Variants in FBXL17 observed in about 807,000 individuals in gnomAD.
FBXL17 encodes F-box and leucine rich repeat protein 17.
A neutral mutation model predicts 66.2 loss-of-function variants in FBXL17; 22 were observed. The observed-to-expected ratio is 0.33, with a 90% CI of 0.24 to 0.47. FBXL17 has a LOEUF of 0.47. Ranked by LOEUF, FBXL17 falls within the 20% of genes least tolerant of loss-of-function variation. The pLI, the probability that FBXL17 is intolerant of heterozygous loss-of-function variation, is 1.00. For missense variants in FBXL17, 878 were observed against 948.2 expected (o/e 0.93, Z 0.97); for synonymous variants, 474 against 400.5 (o/e 1.18, Z -2.19).
intron 5 of FBXL17, among the ~76,000 whole-genome samples, chr5:108,207,680 C>T (rs1215991256): frequency 6.6e-6 from 1 of 152,134 alleles, no homozygotes; most frequent in African/African-American, 2.4e-5. Flanking sequence ...GCATAGTTCT[C>T]CATGGTGTAT....
At chr5:108,319,939 GACT>G (rs1279587362) in intron 4 of FBXL17, among the ~76,000 whole-genome samples, 1 of 151,620 alleles carries the variant, frequency 6.6e-6, no homozygotes, top group African/African-American at 2.4e-5. Context: ...GTCCCGAAAT[GACT>G]ACTTGCCTCG....
At chr5:108,296,209 G>GT (rs1758344845) in intron 4 of FBXL17, among the ~76,000 whole-genome samples, 1 of 151,776 alleles carries the variant, frequency 6.6e-6, no homozygotes. Context: ...TGAATCTCAA[G>GT]TTTCTGGATT....
intron 6 of FBXL17, among the ~76,000 whole-genome samples, chr5:108,064,139 C>T (rs1196012118): frequency 1.3e-5 from 2 of 151,914 alleles, no homozygotes; most frequent in African/African-American, 2.4e-5. Flanking sequence ...GCTTCTGACC[C>T]CTTAACATTA....
At chr5:107,956,296 C>T (rs1413582622) in intron 7 of FBXL17, among the ~76,000 whole-genome samples, 3 of 152,144 alleles carry the variant, frequency 2.0e-5, no homozygotes, top group Non-Finnish European at 4.4e-5. Context: ...GAGATCTCTG[C>T]GGGTATGTTA....
rs190303380 is a variant in FBXL17 at position 108,220,984 on chromosome 5, T to C, written c.1614+3137A>G. On this transcript the variant is annotated intron_variant, in intron 5 of 8. Transcript: ENST00000542267. ...AATTCTTATCTTTGCTTCCTAAATA[T>C]AGACCTCTAAGTTTCCAAACAGTCC... 7.1e-3 allele frequency among the ~76,000 whole-genome samples: 1,087 copies of C among 152,296 alleles called. 8 individuals carry two copies. The highest frequency in any genetic ancestry group is 0.015 in the South Asian group (71 of 4,828).
chr5:108,087,065 A>G (rs914829775), intron 6 of FBXL17, among the ~76,000 whole-genome samples: 4 of 152,180 alleles, frequency 2.6e-5, no homozygotes, highest in African/African-American at 9.7e-5. Flanking sequence ...CATGCACTGA[A>G]TAGGACAAGG....
At chr5:108,361,957 G>T (rs1197837859) in intron 3 of FBXL17, among the ~76,000 whole-genome samples, 2 of 152,104 alleles carry the variant, frequency 1.3e-5, no homozygotes, top group East Asian at 3.9e-4. Context: ...TGAGGCACAG[G>T]CAAGTAAAAA....
chr5:108,274,282 C>G (rs1247564541), intron 4 of FBXL17, among the ~76,000 whole-genome samples: 1 of 152,148 alleles, frequency 6.6e-6, no homozygotes, highest in African/African-American at 2.4e-5. Flanking sequence ...GACGACCACG[C>G]CCGGGGGGGC....
chr5:108,309,859 T>C (rs1015594050), intron 4 of FBXL17, among the ~76,000 whole-genome samples: 1 of 151,938 alleles, frequency 6.6e-6, no homozygotes, highest in Non-Finnish European at 1.5e-5. Flanking sequence ...TTCGAAAAAG[T>C]AAAACAAAGA....
At chr5:107,874,711 T>C (rs937432312) in intron 8 of FBXL17, among the ~76,000 whole-genome samples, 21 of 152,116 alleles carry the variant, frequency 1.4e-4, no homozygotes, top group African/African-American at 4.6e-4. Context: ...GTGAACAGGG[T>C]TGGAAGAGGA....
chr5:107,988,931 T>G (rs954347286), intron 7 of FBXL17, among the ~76,000 whole-genome samples: 1 of 152,088 alleles, frequency 6.6e-6, no homozygotes, highest in Non-Finnish European at 1.5e-5. Context: ...AAAGGCATAA[T>G]CCCAAATGAC....
At position 108,295,362 on chromosome 5, in the gene FBXL17, C is replaced by G. The variant is rs116758691; in HGVS notation, c.1506+53037G>C. Among the ~76,000 whole-genome samples the G allele has an allele frequency of 9.5e-3, 1,438 of 151,782 alleles. 12 individuals carry two copies. The highest frequency in any genetic ancestry group is 0.015 in the Non-Finnish European group (1,043 of 67,808). On this transcript the variant is annotated intron_variant, in intron 4 of 8. Transcript: ENST00000542267. The stretch of plus-strand genomic sequence containing the variant: ...ATTTAATTCTCATATATTCTAAGCA[C>G]ATTACATGTATATTAACACACTTAA...
At chr5:108,272,830 G>A (rs1206679705) in intron 4 of FBXL17, among the ~76,000 whole-genome samples, 5 of 152,146 alleles carry the variant, frequency 3.3e-5, no homozygotes, top group African/African-American at 1.2e-4. Context: ...TTATTTATGT[G>A]TGTATGTATA....
At chr5:108,102,055 A>C (rs2149941964) in intron 6 of FBXL17, among the ~76,000 whole-genome samples, 1 of 152,268 alleles carries the variant, frequency 6.6e-6, no homozygotes, top group Non-Finnish European at 1.5e-5. Flanking sequence ...CCCAAGTGAG[A>C]TGAGCTGAAT....
intron 6 of FBXL17, among the ~76,000 whole-genome samples, chr5:108,068,061 T>C (rs573113321): frequency 1.3e-5 from 2 of 152,338 alleles, no homozygotes; most frequent in South Asian, 4.1e-4. Flanking sequence ...TTAAACTTAA[T>C]GTATTGACAT....
chr5:108,051,833 G>A (rs534905707), intron 6 of FBXL17, among the ~76,000 whole-genome samples: 11 of 152,104 alleles, frequency 7.2e-5, no homozygotes, highest in Non-Finnish European at 1.3e-4. Flanking sequence ...AAAATTGGCC[G>A]GGTGCTGTGG....
At chr5:107,999,042 G>A (rs1753601420) in intron 7 of FBXL17, among the ~76,000 whole-genome samples, 1 of 152,098 alleles carries the variant, frequency 6.6e-6, no homozygotes, top group African/African-American at 2.4e-5. Context: ...GTCTGCTGGC[G>A]ATCTCTCCTT....
intron 7 of FBXL17, among the ~76,000 whole-genome samples, chr5:107,897,511 C>T (rs1191370887): frequency 6.6e-6 from 1 of 152,068 alleles, no homozygotes; most frequent in East Asian, 1.9e-4. Flanking sequence ...AAGCACCTTG[C>T]CAGGAAGAAA....
At position 107,890,696 on chromosome 5, in the gene FBXL17, A is replaced by G. The variant is rs140745665; in HGVS notation, c.1823-9517T>C. On this transcript the variant is annotated intron_variant, in intron 7 of 8. Coordinates refer to ENST00000542267, the MANE Select transcript of FBXL17 (RefSeq NM_001163315.3). ...AAAAAAAAAAATTGTCTAACCTACT[A>G]TGTATCAGAGTAGGATGTGATTTCA... Among the ~76,000 whole-genome samples the G allele has an allele frequency of 6.7e-3, 1,022 of 151,842 alleles. 11 individuals are homozygous for G. Among genetic ancestry groups the G allele is most frequent in the African/African-American group, 0.022 (894 of 41,416 alleles).
Sources: gnomAD v4.1 joint callset for allele counts (sites outside exome capture counted in the v4.1 genomes callset) on GRCh38, gnomAD v4.1.1 for gene constraint, MANE v1.5 for transcripts, NCBI Gene and HGNC (gene_info 2026-07-23, HGNC 2026-07-21) for gene names.